Variants in CALN1 observed in about 807,000 individuals in gnomAD.
CALN1 encodes the protein calcium-binding protein 8.
CALN1 carries 17 observed loss-of-function variants against 30.6 expected under a neutral mutation model. The ratio of observed to expected loss-of-function variants is 0.56; its 90% confidence interval spans 0.38 to 0.83. The LOEUF is 0.83. Among genes scored for constraint, CALN1 ranks in the 40% least tolerant of loss-of-function variants. The pLI is 0.00. For synonymous variants in CALN1, 156 were observed against 131.4 expected, an observed-to-expected ratio of 1.19 and a Z score of -1.28; for missense variants, 291 against 354.9, an observed-to-expected ratio of 0.82 and a Z score of 1.45.
At chr7:72,298,035 A>G (rs1337173209) in intron 2 of CALN1, among the ~76,000 whole-genome samples, 1 of 152,230 alleles carries the variant, frequency 6.6e-6, no homozygotes, top group East Asian at 1.9e-4. Flanking sequence ...TAGCTACAAA[A>G]TCACATAATA....
intron 3 of CALN1, among the ~76,000 whole-genome samples, chr7:72,177,458 G>C (rs1301302185): frequency 6.6e-6 from 1 of 152,026 alleles, no homozygotes; most frequent in East Asian, 1.9e-4. Flanking sequence ...TCTACACCAA[G>C]CTTTATATTA....
At chr7:72,472,808 C>T in the CALN1 span, among the ~76,000 whole-genome samples, 1 of 152,114 alleles carries the variant, frequency 6.6e-6, no homozygotes, top group Non-Finnish European at 1.5e-5. Context: ...AAAGGTGTGT[C>T]ACTCAGCCCA....
chr7:72,023,603 G>T, intron 5 of CALN1, 54 bp downstream of exon 5: 1 of 1,331,426 alleles, frequency 7.5e-7, no homozygotes, highest in Non-Finnish European at 1.1e-6. Flanking sequence ...TCAAAAGTTA[G>T]TCTCAGACAC....
chr7:72,313,788 A>C (rs1484883791), intron 2 of CALN1, among the ~76,000 whole-genome samples: 2 of 152,186 alleles, frequency 1.3e-5, no homozygotes, highest in African/African-American at 4.8e-5. Context: ...TTACCTAAAC[A>C]CTGCTAAAAT....
chr7:71,910,183 T>A (rs73185065), intron 5 of CALN1, among the ~76,000 whole-genome samples: 9 of 152,296 alleles, frequency 5.9e-5, no homozygotes, highest in Non-Finnish European at 1.0e-4. Flanking sequence ...CCAAACTGTA[T>A]CACCCAGGAA....
chr7:72,233,210 A>G (rs1229076453), intron 3 of CALN1, among the ~76,000 whole-genome samples: 5 of 151,158 alleles, frequency 3.3e-5, no homozygotes, highest in South Asian at 2.1e-4. Context: ...AAAAAAAAAG[A>G]AGGCACTGTG....
rs567726254 is a variant in CALN1, at chr7:71,952,923, A to G, written c.501+70734T>C. 2.6e-5 allele frequency among the ~76,000 whole-genome samples: 4 copies of G among 152,220 alleles called. No individual in the cohort carries two copies. In the East Asian group the frequency reaches 5.8e-4, roughly 22 times the overall value. ...AGTGCCTTCCTCTTTAGCTTGTCAT[A>G]AATGCCTTTTGCATGGCTTTCGTGA... On this transcript the variant is annotated intron_variant, in intron 5 of 6. Transcript: ENST00000395275.
intron 4 of CALN1, among the ~76,000 whole-genome samples, chr7:72,075,549 G>A (rs578256995): frequency 5.9e-5 from 9 of 152,224 alleles, no homozygotes; most frequent in African/African-American, 1.4e-4. Context: ...GAAGGGTGAC[G>A]GCCACAGAGA....
intron 3 of CALN1, among the ~76,000 whole-genome samples, chr7:72,137,207 A>G (rs967427322): frequency 6.6e-6 from 1 of 152,028 alleles, no homozygotes; most frequent in African/African-American, 2.4e-5. Flanking sequence ...CAGGGTTGGT[A>G]TGTTTCTGGT....
At chr7:72,441,211 G>A (rs1808332350) in intron 1 of CALN1, among the ~76,000 whole-genome samples, 1 of 152,134 alleles carries the variant, frequency 6.6e-6, no homozygotes, top group Non-Finnish European at 1.5e-5. Flanking sequence ...GAGTCAGTAG[G>A]AGCTAAGGGA....
At chr7:72,375,627 A>T (rs900561226) in intron 2 of CALN1, among the ~76,000 whole-genome samples, 13 of 152,180 alleles carry the variant, frequency 8.5e-5, no homozygotes, top group African/African-American at 2.9e-4. Context: ...GCATAATACA[A>T]AATTAGGCAC....
At chr7:71,865,659 G>T (rs1267748440) in intron 5 of CALN1, among the ~76,000 whole-genome samples, 1 of 152,188 alleles carries the variant, frequency 6.6e-6, no homozygotes, top group Non-Finnish European at 1.5e-5. Flanking sequence ...CTTGGAGGGG[G>T]TTGTTAATTG....
chr7:71,946,698 A>C (rs1431124860), intron 5 of CALN1, among the ~76,000 whole-genome samples: 1 of 151,644 alleles, frequency 6.6e-6, no homozygotes, highest in East Asian at 1.9e-4. Flanking sequence ...TCATTTTCCC[A>C]CATCTGTCAT....
In CALN1 at chr7:72,044,994, G is replaced by C. The variant is rs78991930; in HGVS notation, c.389-21225C>G. On this transcript the variant is annotated intron_variant, in intron 4 of 6. Transcript: ENST00000395275. ...GATGCAATGACTGCAGAATAATCTT[G>C]ACTTCAGGATTAAGAGGCAAGGAGA... is the stretch of plus-strand genomic sequence containing the variant. Among the ~76,000 whole-genome samples, 600 of 152,266 alleles carry C rather than the reference G, an allele frequency of 3.9e-3. 5 individuals are homozygous for C. Among genetic ancestry groups the C allele is most frequent in the African/African-American group, 0.013 (540 of 41,554 alleles).
chr7:72,297,749 C>T (rs1798966418), intron 2 of CALN1, among the ~76,000 whole-genome samples: 1 of 152,192 alleles, frequency 6.6e-6, no homozygotes, highest in Non-Finnish European at 1.5e-5. Context: ...GCAGTATTTA[C>T]GAAGTCATAA....
rs1325076101 is a variant in CALN1 at position 71,785,975 on chromosome 7, A to AT, written c.*1799dup. 1 of 152,662 alleles carries AT rather than the reference A, an allele frequency of 6.6e-6. No homozygotes were observed. Among genetic ancestry groups the AT allele is most frequent in the Non-Finnish European group, 1.5e-5 (1 of 68,058 alleles). The allele number at this position is 152,662 out of a possible 1,614,324, so 9.5% of individuals were successfully genotyped here. On this transcript the variant is annotated 3_prime_UTR_variant, in exon 7 of 7. Transcript: ENST00000395275. ...GGAGCTTACATCTGCTCCCTCCTCC[A>AT]TATTATGGCTGAAGCCTTAGTTTTA... is the stretch of plus-strand genomic sequence containing the variant.
At chr7:71,876,962 G>A (rs575860206) in intron 5 of CALN1, among the ~76,000 whole-genome samples, 64 of 152,134 alleles carry the variant, frequency 4.2e-4, no homozygotes, top group Non-Finnish European at 6.0e-4. Context: ...TCAGACTTAC[G>A]TTGTGTTCAG....
intron 5 of CALN1, among the ~76,000 whole-genome samples, chr7:71,886,077 G>C (rs1394446991): frequency 6.6e-6 from 1 of 152,230 alleles, no homozygotes; most frequent in Non-Finnish European, 1.5e-5. Context: ...GAAAAATTCA[G>C]GGTGGGTTCC....
At chr7:72,391,712 G>GT (rs1320300296) in intron 2 of CALN1, among the ~76,000 whole-genome samples, 2 of 151,904 alleles carry the variant, frequency 1.3e-5, no homozygotes, top group Non-Finnish European at 2.9e-5. Context: ...AAGTTTTTTT[G>GT]TTTTTTGTTT....
Sources: allele counts gnomAD v4.1 joint callset (sites outside exome capture counted in the v4.1 genomes callset), GRCh38; gene constraint gnomAD v4.1.1; transcripts MANE v1.5; gene names NCBI Gene and HGNC (gene_info 2026-07-23, HGNC 2026-07-21).